DEUP1: variants seen among roughly 807,000 people sequenced by gnomAD.
DEUP1 encodes the protein deuterosome assembly protein 1, also known as coiled-coil domain containing 67.
DEUP1 carries 82 observed loss-of-function variants against 87.4 expected under a neutral mutation model. The observed-to-expected ratio is 0.94, with a 90% CI of 0.78 to 1.13. DEUP1 has a LOEUF of 1.13. Ranked by LOEUF, DEUP1 falls within the 50% of genes most tolerant of loss-of-function variation. The pLI, the probability that DEUP1 is intolerant of heterozygous loss-of-function variation, is 0.00. For missense variants in DEUP1, 663 were observed against 681.5 expected, an observed-to-expected ratio of 0.97 and a Z score of 0.30; for synonymous variants, 214 against 222.7, an observed-to-expected ratio of 0.96 and a Z score of 0.35.
chr11:93,367,054 C>T (rs1379538964), intron 5 of DEUP1, among the ~76,000 whole-genome samples: 6 of 152,002 alleles, frequency 3.9e-5, no homozygotes, highest in Non-Finnish European at 5.9e-5. Flanking sequence ...ATGTCAGAAT[C>T]GAAGTCAATA....
chr11:93,400,363 C>T lies in DEUP1; in HGVS notation c.1326+4038C>T, dbSNP rs117974846. Among the ~76,000 whole-genome samples the T allele has an allele frequency of 4.7e-3, 710 of 152,236 alleles. 3 individuals are homozygous for T. The highest frequency in any genetic ancestry group is 7.3e-3 in the Non-Finnish European group (494 of 68,000). On this transcript the variant is annotated intron_variant, in intron 11 of 13. Coordinates refer to ENST00000298050, the MANE Select transcript of DEUP1 (RefSeq NM_181645.4). ...TGGTTTGCCAACAATTGTTGGCATT[C>T]CTTGACTTGTAGATACATCAGCCCA...
intron 13 of DEUP1, among the ~76,000 whole-genome samples, chr11:93,434,363 A>T (rs1371931968): frequency 6.6e-6 from 1 of 152,148 alleles, no homozygotes; most frequent in African/African-American, 2.4e-5. Flanking sequence ...TGAGCCCCTA[A>T]TGTCCATGCC....
chr11:93,387,265 A>C (rs576775691), intron 8 of DEUP1, among the ~76,000 whole-genome samples: 120 of 152,262 alleles, frequency 7.9e-4, no homozygotes, highest in African/African-American at 2.7e-3. Flanking sequence ...ATGCTGTTCT[A>C]TCAGCTTTAT....
Position 93,332,107 on chromosome 11 carries a change from A to C in DEUP1, c.-44-109A>C. The C allele has an allele frequency of 6.6e-6, 4 of 605,578 alleles. No individual in the cohort carries two copies. In the African/African-American group the frequency reaches 7.4e-5, roughly 11 times the overall value. 37.5% of individuals were successfully genotyped at this position (605,578 alleles called of 1,614,324 possible). A position where few individuals can be genotyped will look rare whatever the true frequency, so the allele number is the denominator to read the frequency against. On this transcript the variant is annotated intron_variant, in intron 1 of 13. Transcript: ENST00000298050. ...ATATTTTGTAGGATCAAGAGCTACT[A>C]CACAGAAAAACTCATACTAAATGGT...
intron 13 of DEUP1, among the ~76,000 whole-genome samples, chr11:93,429,211 T>G (rs1285356717): frequency 6.6e-6 from 1 of 152,192 alleles, no homozygotes; most frequent in Non-Finnish European, 1.5e-5. Context: ...TTAAAACCAT[T>G]AGCTTTTGAA....
chr11:93,361,325 G>A (rs1945165494), intron 4 of DEUP1, among the ~76,000 whole-genome samples: 1 of 152,070 alleles, frequency 6.6e-6, no homozygotes, highest in African/African-American at 2.4e-5. Context: ...GGAATCTTAA[G>A]ACATCAGCGA....
At position 93,427,322 on chromosome 11, in the gene DEUP1, A is replaced by G. The variant is rs1189001777; in HGVS notation, c.1639-10221A>G. 8.5e-5 allele frequency among the ~76,000 whole-genome samples: 13 copies of G among 152,068 alleles called. No homozygotes were observed. The East Asian group carries it at 1.2e-3, about 14-fold the overall frequency. Reference sequence around the variant, plus strand: ...ACAGAGCCCTCAGAAATAATGCCGCATATCTACAACCATCTGATCTTTGAC... The same window carrying G: ...ACAGAGCCCTCAGAAATAATGCCGCGTATCTACAACCATCTGATCTTTGAC... On this transcript the variant is annotated intron_variant, in intron 13 of 13. Transcript: ENST00000298050.
At chr11:93,382,661 T>C (rs1259175155) in intron 7 of DEUP1, among the ~76,000 whole-genome samples, 1 of 152,200 alleles carries the variant, frequency 6.6e-6, no homozygotes, top group Non-Finnish European at 1.5e-5. Context: ...GATGCACTTT[T>C]CTACATGCAA....
At chr11:93,412,699 G>A (rs1400687843) in intron 12 of DEUP1, among the ~76,000 whole-genome samples, 5 of 152,078 alleles carry the variant, frequency 3.3e-5, no homozygotes, top group African/African-American at 9.6e-5. Context: ...TTCTTGAATC[G>A]CTACTAATTT....
intron 2 of DEUP1, among the ~76,000 whole-genome samples, chr11:93,354,973 C>T (rs997561297): frequency 6.6e-6 from 1 of 152,136 alleles, no homozygotes; most frequent in African/African-American, 2.4e-5. Flanking sequence ...CCTACCTAGC[C>T]CAGGCTTGCT....
intron 11 of DEUP1, 95 bp downstream of exon 11, chr11:93,396,420 T>A: frequency 1.3e-6 from 1 of 743,198 alleles, no homozygotes; most frequent in Non-Finnish European, 2.2e-6. Flanking sequence ...TTGCTGTGTG[T>A]TAGACATGAA....
intron 4 of DEUP1, among the ~76,000 whole-genome samples, chr11:93,363,558 A>G (rs904352987): frequency 1.3e-5 from 2 of 151,890 alleles, no homozygotes; most frequent in African/African-American, 4.8e-5. Flanking sequence ...TTCCTCACAA[A>G]TGTTCATAAA....
chr11:93,385,250 A>G, intron 7 of DEUP1, 148 bp from the exon 8 acceptor site: 1 of 761,172 alleles, frequency 1.3e-6, no homozygotes, highest in Non-Finnish European at 2.1e-6. Flanking sequence ...AAAATGAAGG[A>G]ATGGAATTCT....
chr11:93,357,679 G>A (rs1482167612), intron 4 of DEUP1, among the ~76,000 whole-genome samples: 1 of 152,094 alleles, frequency 6.6e-6, no homozygotes, highest in African/African-American at 2.4e-5. Flanking sequence ...CTTAGTGAAT[G>A]AATCAATGGG....
rs80119865 is a variant in DEUP1, at chr11:93,330,759, G to A, written c.-58G>A. On this transcript the variant is annotated 5_prime_UTR_variant, in exon 1 of 14. Coordinates refer to ENST00000298050, the MANE Select transcript of DEUP1 (RefSeq NM_181645.4). Reference sequence around the variant, plus strand: ...CTCGCCTCAGACCTCTCGGGCGAGCGCGGCGCAGCGCAGGTAATGGCTCCT... The same window carrying A: ...CTCGCCTCAGACCTCTCGGGCGAGCACGGCGCAGCGCAGGTAATGGCTCCT... 14,502 of 152,510 alleles carry A rather than the reference G, an allele frequency of 0.095. 1,499 individuals carry two copies. The highest frequency in any genetic ancestry group is 0.25 in the African/African-American group (10,588 of 41,532). The allele number at this position is 152,510 out of a possible 1,614,324, so 9.4% of individuals were successfully genotyped here. A position where few individuals can be genotyped will look rare whatever the true frequency, so the allele number is the denominator to read the frequency against.
At chr11:93,364,431 T>A (rs1275041021) in intron 5 of DEUP1, 137 bp downstream of exon 5, 16 of 721,046 alleles carry the variant, frequency 2.2e-5, no homozygotes, top group Non-Finnish European at 3.2e-5. Flanking sequence ...TCTCACTGAA[T>A]ATATTTTCTT....
chr11:93,400,491 T>G (rs1947080491), intron 11 of DEUP1, among the ~76,000 whole-genome samples: 1 of 152,154 alleles, frequency 6.6e-6, no homozygotes, highest in Non-Finnish European at 1.5e-5. Flanking sequence ...GCCCAAATTT[T>G]CCCATTTTAT....
intron 13 of DEUP1, among the ~76,000 whole-genome samples, chr11:93,429,340 A>T (rs182359689): frequency 1.0e-3 from 155 of 152,316 alleles, no homozygotes; most frequent in Non-Finnish European, 2.1e-3. Context: ...AAAATTCCTC[A>T]TTTAAGTTAT....
chr11:93,412,306 T>C (rs1565343408), intron 12 of DEUP1, among the ~76,000 whole-genome samples: 1 of 152,162 alleles, frequency 6.6e-6, no homozygotes, highest in Non-Finnish European at 1.5e-5. Flanking sequence ...AATAGGCCTG[T>C]GGAAAAGATC....
Sources: gnomAD v4.1 joint callset for allele counts (sites outside exome capture counted in the v4.1 genomes callset) on GRCh38, gnomAD v4.1.1 for gene constraint, MANE v1.5 for transcripts, NCBI Gene and HGNC (gene_info 2026-07-23, HGNC 2026-07-21) for gene names.